KCNAB1: variants seen among roughly 807,000 people sequenced by gnomAD.
KCNAB1 encodes potassium voltage-gated channel subfamily A regulatory beta subunit 1.
In KCNAB1, 35 loss-of-function variants were observed where a neutral mutation model predicts 64.6. The ratio of observed to expected loss-of-function variants is 0.54; its 90% confidence interval spans 0.41 to 0.72. KCNAB1 has a LOEUF of 0.72. Among genes scored for constraint, KCNAB1 ranks in the 30% least tolerant of loss-of-function variants. KCNAB1 has a pLI of 0.00. For synonymous variants in KCNAB1, 177 were observed against 183.8 expected (o/e 0.96, Z 0.30); for missense variants, 401 against 512.9 (o/e 0.78, Z 2.11).
At chr3:156,251,120 C>T (rs1244779785) in intron 1 of KCNAB1, among the ~76,000 whole-genome samples, 2 of 152,116 alleles carry the variant, frequency 1.3e-5, no homozygotes, top group Non-Finnish European at 2.9e-5. Flanking sequence ...TTAGTATGTA[C>T]CAAGTAAAAA....
At chr3:156,323,643 T>G (rs1722805188) in intron 1 of KCNAB1, among the ~76,000 whole-genome samples, 1 of 152,136 alleles carries the variant, frequency 6.6e-6, no homozygotes, top group Admixed American at 6.6e-5. Flanking sequence ...TTGGTAAAGG[T>G]TGAGTTGCCA....
At position 156,457,549 on chromosome 3, in the gene KCNAB1, T is replaced by C. The variant is rs1047625777; in HGVS notation, c.437+17T>C. 1.9e-6 allele frequency: 3 copies of C among 1,605,894 alleles called. No individual in the cohort carries two copies. The highest frequency in any genetic ancestry group is 2.6e-6 in the Non-Finnish European group (3 of 1,172,512). On this transcript the variant is annotated intron_variant, in intron 4 of 13. Transcript: ENST00000490337. ...TGCTGGAAAGTAAGTCAGTACCTGT[T>C]TGTGTCACTCAAATGGCATCTGTAG... is the stretch of plus-strand genomic sequence containing the variant.
At chr3:156,281,652 T>C (rs1421866909) in intron 1 of KCNAB1, among the ~76,000 whole-genome samples, 7 of 152,198 alleles carry the variant, frequency 4.6e-5, no homozygotes, top group African/African-American at 9.7e-5. Flanking sequence ...CTCCTGTTAT[T>C]GGGCTATTCA....
At chr3:156,422,722 A>T (rs1443222371) in intron 2 of KCNAB1, among the ~76,000 whole-genome samples, 1 of 152,232 alleles carries the variant, frequency 6.6e-6, no homozygotes, top group African/African-American at 2.4e-5. Flanking sequence ...CAGCAAGTAG[A>T]TGCTGTTTAA....
intron 1 of KCNAB1, among the ~76,000 whole-genome samples, chr3:156,281,041 C>T (rs1323352325): frequency 6.6e-6 from 1 of 151,536 alleles, no homozygotes; most frequent in African/African-American, 2.4e-5. Flanking sequence ...CTGTCTTGTG[C>T]CAGTTTTCAA....
chr3:156,522,537 C>T (rs1718018837), intron 11 of KCNAB1, among the ~76,000 whole-genome samples: 1 of 152,180 alleles, frequency 6.6e-6, no homozygotes, highest in Admixed American at 6.5e-5. Flanking sequence ...TAGCCATCTC[C>T]TCAAGCAGGC....
At chr3:156,488,649 C>T (rs577021590) in intron 8 of KCNAB1, among the ~76,000 whole-genome samples, 2 of 152,066 alleles carry the variant, frequency 1.3e-5, no homozygotes, top group East Asian at 3.9e-4. Context: ...AAAAGGATAC[C>T]TCCTCCTTGG....
intron 1 of KCNAB1, among the ~76,000 whole-genome samples, chr3:156,242,503 A>G (rs1346009235): frequency 6.6e-6 from 1 of 151,906 alleles, no homozygotes; most frequent in Non-Finnish European, 1.5e-5. Context: ...TAGTTGTCGT[A>G]TATCCTCTCT....
chr3:156,263,415 C>T (rs753217008), intron 1 of KCNAB1, among the ~76,000 whole-genome samples: 1 of 151,770 alleles, frequency 6.6e-6, no homozygotes, highest in African/African-American at 2.4e-5. Context: ...ATTTAATTTC[C>T]AAATGTTTGA....
intron 8 of KCNAB1, among the ~76,000 whole-genome samples, chr3:156,501,541 C>T (rs566378525): frequency 3.9e-4 from 58 of 147,536 alleles, no homozygotes; most frequent in Admixed American, 2.1e-4. Context: ...AAGGGATTCT[C>T]GTGCCTGAGC....
At chr3:156,531,178 C>G (rs895128657) in intron 12 of KCNAB1, among the ~76,000 whole-genome samples, 3 of 152,132 alleles carry the variant, frequency 2.0e-5, no homozygotes, top group African/African-American at 7.2e-5. Flanking sequence ...CATTGTCCAG[C>G]GCCTCTATGC....
chr3:156,503,692 T>A (rs1331928841), intron 8 of KCNAB1, among the ~76,000 whole-genome samples: 1 of 151,836 alleles, frequency 6.6e-6, no homozygotes, highest in Non-Finnish European at 1.5e-5. Context: ...GAGGGAAAGA[T>A]CACAGGGGCA....
intron 12 of KCNAB1, among the ~76,000 whole-genome samples, chr3:156,526,328 G>C (rs62285076): frequency 6.6e-6 from 1 of 152,094 alleles, no homozygotes; most frequent in African/African-American, 2.4e-5. Context: ...ATGCATAACT[G>C]TATCTTATTT....
chr3:156,206,981 C>T (rs1034143420), intron 1 of KCNAB1, among the ~76,000 whole-genome samples: 6 of 152,194 alleles, frequency 3.9e-5, no homozygotes, highest in Non-Finnish European at 5.9e-5. Flanking sequence ...TTGTCTGTCC[C>T]TGGAAGGCAC....
intron 8 of KCNAB1, among the ~76,000 whole-genome samples, chr3:156,494,060 C>T (rs955074794): frequency 7.9e-5 from 12 of 152,032 alleles, no homozygotes; most frequent in African/African-American, 2.7e-4. Flanking sequence ...CAGGATGATG[C>T]GTAATTTTAG....
intron 1 of KCNAB1, among the ~76,000 whole-genome samples, chr3:156,386,121 A>G (rs530289049): frequency 1.0e-3 from 152 of 152,380 alleles, no homozygotes; most frequent in African/African-American, 3.7e-3. Flanking sequence ...AAAGAGACCG[A>G]GGCAAACTTT....
At chr3:156,435,400 G>A (rs560496378) in intron 2 of KCNAB1, among the ~76,000 whole-genome samples, 5 of 152,166 alleles carry the variant, frequency 3.3e-5, no homozygotes, top group Non-Finnish European at 7.3e-5. Context: ...TGAGGGACTA[G>A]AGACAAAGAA....
intron 1 of KCNAB1, among the ~76,000 whole-genome samples, chr3:156,167,188 C>G (rs1488325125): frequency 6.6e-6 from 1 of 152,182 alleles, no homozygotes; most frequent in East Asian, 1.9e-4. Context: ...AGATCTCTTC[C>G]TCTAAGAGTG....
intron 1 of KCNAB1, among the ~76,000 whole-genome samples, chr3:156,212,867 T>C (rs1715096700): frequency 6.6e-6 from 1 of 152,016 alleles, no homozygotes; most frequent in African/African-American, 2.4e-5. Flanking sequence ...CCTGGGACCT[T>C]GTAGATAGTG....
Sources: allele counts gnomAD v4.1 joint callset (sites outside exome capture counted in the v4.1 genomes callset), GRCh38; gene constraint gnomAD v4.1.1; transcripts MANE v1.5; gene names NCBI Gene and HGNC (gene_info 2026-07-23, HGNC 2026-07-21).